SOX6: variants seen among roughly 807,000 people sequenced by gnomAD.
The protein encoded by SOX6 is SRY-box transcription factor 6, also known as transcription factor SOX-6.
SOX6 carries 11 observed loss-of-function variants against 97.8 expected under a neutral mutation model. The ratio of observed to expected loss-of-function variants is 0.11; its 90% confidence interval spans 0.07 to 0.19. The LOEUF (loss-of-function observed/expected upper bound fraction) is 0.19, where lower values mean the gene tolerates loss of function less well. Ranked by LOEUF, SOX6 falls within the 10% of genes least tolerant of loss-of-function variation. The probability of loss-of-function intolerance (pLI) is 1.00; values close to 1 mark genes in which losing one functional copy is unlikely to be tolerated. For synonymous variants in SOX6, 360 were observed against 371.4 expected (o/e 0.97, Z 0.35); for missense variants, 810 against 1,039.5 (o/e 0.78, Z 3.04).
intron 3 of SOX6, among the ~76,000 whole-genome samples, chr11:16,638,545 AG>A (rs1480184366): frequency 2.0e-5 from 3 of 152,186 alleles, no homozygotes; most frequent in African/African-American, 7.2e-5. Context: ...ACAGGGTAAA[AG>A]TGTTCCTATT....
At chr11:16,543,282 C>T (rs1174980367) in intron 4 of SOX6, among the ~76,000 whole-genome samples, 2 of 151,980 alleles carry the variant, frequency 1.3e-5, no homozygotes, top group Non-Finnish European at 2.9e-5. Flanking sequence ...ATATATACCA[C>T]CATATATTTT....
At chr11:16,194,838 T>C (rs1247641992) in intron 4 of SOX6, among the ~76,000 whole-genome samples, 2 of 152,224 alleles carry the variant, frequency 1.3e-5, no homozygotes, top group Non-Finnish European at 2.9e-5. Flanking sequence ...CATTGTGCTT[T>C]ATAAGCCCAT....
chr11:16,357,220 C>T (rs1295868262), upstream of SOX6, among the ~76,000 whole-genome samples: 1 of 152,134 alleles, frequency 6.6e-6, no homozygotes, highest in Non-Finnish European at 1.5e-5. Flanking sequence ...GCACACAGTG[C>T]ACTACTTTCT....
chr11:16,373,663 T>TGG (rs1454801474), intron 1 of SOX6, among the ~76,000 whole-genome samples: 6 of 152,012 alleles, frequency 3.9e-5, no homozygotes, highest in Non-Finnish European at 8.8e-5. Flanking sequence ...AGTTTGTAGG[T>TGG]TTTCTGGTTG....
At chr11:16,532,518 C>A (rs1214762037) in intron 4 of SOX6, among the ~76,000 whole-genome samples, 1 of 151,870 alleles carries the variant, frequency 6.6e-6, no homozygotes, top group Non-Finnish European at 1.5e-5. Flanking sequence ...TAAAAGAAAA[C>A]TGGTTTCTTG....
intron 2 of SOX6, among the ~76,000 whole-genome samples, chr11:16,720,102 G>A (rs1300519150): frequency 6.6e-6 from 1 of 152,130 alleles, no homozygotes; most frequent in Non-Finnish European, 1.5e-5. Context: ...CATATAAACA[G>A]AACCAAAGCA....
At chr11:16,325,608 C>T (rs531155689) in intron 2 of SOX6, among the ~76,000 whole-genome samples, 10 of 152,186 alleles carry the variant, frequency 6.6e-5, no homozygotes, top group Admixed American at 3.3e-4. Flanking sequence ...CTACCAAACA[C>T]AGAAAAAATA....
intron 9 of SOX6, among the ~76,000 whole-genome samples, chr11:16,072,281 T>C (rs909836492): frequency 2.0e-5 from 3 of 152,136 alleles, no homozygotes; most frequent in Non-Finnish European, 4.4e-5. Flanking sequence ...AAAAACTCAC[T>C]TCAAGAATTT....
chr11:16,650,365 A>G (rs530298806), intron 3 of SOX6, among the ~76,000 whole-genome samples: 3 of 152,276 alleles, frequency 2.0e-5, no homozygotes, highest in Non-Finnish European at 2.9e-5. Context: ...TCCAAGATAG[A>G]CCAAATGACA....
intron 3 of SOX6, chr11:16,315,291 T>A (rs1034832154): frequency 6.6e-6 from 1 of 151,958 alleles, no homozygotes; most frequent in Non-Finnish European, 1.5e-5. Flanking sequence ...AAATAATTTT[T>A]AAAAAAAGAT....
intron 3 of SOX6, among the ~76,000 whole-genome samples, chr11:16,235,343 G>A (rs1030336739): frequency 6.6e-6 from 1 of 151,746 alleles, no homozygotes; most frequent in Non-Finnish European, 1.5e-5. Context: ...TAAAATACAG[G>A]GAGTAATTAC....
chr11:16,037,834 C>T (rs1214235833), intron 12 of SOX6, among the ~76,000 whole-genome samples: 1 of 152,156 alleles, frequency 6.6e-6, no homozygotes, highest in African/African-American at 2.4e-5. Flanking sequence ...CAAACACCTA[C>T]AATGGCTGGC....
At chr11:16,526,104 T>A (rs1050706390) in intron 4 of SOX6, among the ~76,000 whole-genome samples, 2 of 152,126 alleles carry the variant, frequency 1.3e-5, no homozygotes, top group Non-Finnish European at 2.9e-5. Context: ...GAACTGGAAA[T>A]ACCATTTGAC....
At chr11:16,140,697 A>G (rs370383092) in intron 6 of SOX6, among the ~76,000 whole-genome samples, 2 of 152,204 alleles carry the variant, frequency 1.3e-5, no homozygotes, top group South Asian at 2.1e-4. Context: ...GAGGACTATG[A>G]GGGTAAAATA....
intron 4 of SOX6, among the ~76,000 whole-genome samples, chr11:16,489,261 C>G (rs567169420): frequency 6.6e-6 from 1 of 152,118 alleles, no homozygotes; most frequent in South Asian, 2.1e-4. Flanking sequence ...ACAGAGTTCA[C>G]ACTTGCAAAG....
At chr11:16,244,937 T>G (rs967934194) in intron 3 of SOX6, among the ~76,000 whole-genome samples, 3 of 151,818 alleles carry the variant, frequency 2.0e-5, no homozygotes, top group African/African-American at 7.2e-5. Flanking sequence ...TTGGCTACGC[T>G]AGGTCCTTTG....
upstream of SOX6, among the ~76,000 whole-genome samples, chr11:16,480,282 C>T (rs1171864770): frequency 6.6e-6 from 1 of 151,772 alleles, no homozygotes; most frequent in African/African-American, 2.4e-5. Context: ...CTAATGTATG[C>T]CAAAATGAGG....
At chr11:16,514,163 C>T (rs561560463) in intron 4 of SOX6, among the ~76,000 whole-genome samples, 18 of 149,776 alleles carry the variant, frequency 1.2e-4, no homozygotes, top group African/African-American at 4.4e-4. Context: ...CTGCAGTGAG[C>T]CGGGATCATA....
In SOX6 at chr11:16,055,793, T is replaced by C. The variant is rs750829986; in HGVS notation, c.1210A>G (p.Lys404Glu). The C allele has an allele frequency of 6.2e-7, 1 of 1,613,786 alleles. No individual in the cohort carries two copies. ...GGGCTGGTCCCTCTCTTTTCATTTT[T>C]TATCCCAGTAGGTGAGACCGTCCCT... ...TAGTVSPTGIKNEKRGTSPVT... is the reference protein window; with the variant it reads ...TAGTVSPTGIENEKRGTSPVT... Residue 404 changes from lysine to glutamate, a missense_variant, in exon 10 of 16, where the codon AAA becomes GAA. By Grantham distance (56) the Lys-to-Glu change is moderately conservative. Transcript: ENST00000683767.
Sources: allele counts gnomAD v4.1 joint callset (sites outside exome capture counted in the v4.1 genomes callset), GRCh38; gene constraint gnomAD v4.1.1; transcripts MANE v1.5; gene names NCBI Gene and HGNC (gene_info 2026-07-23, HGNC 2026-07-21).